The following GLMN variants were observed in gnomAD, a reference collection of about 807,000 sequenced individuals.
GLMN encodes the protein glomulin, FKBP associated protein.
Under a neutral mutation model 87.8 loss-of-function variants are expected in GLMN, and 75 were observed. The observed-to-expected ratio is 0.85, with a 90% CI of 0.71 to 1.04. The LOEUF is 1.04. Ranked by LOEUF, GLMN falls within the 50% of genes least tolerant of loss-of-function variation. GLMN has a pLI of 0.00. For synonymous variants in GLMN, 206 were observed against 221.6 expected (o/e 0.93, Z 0.63); for missense variants, 588 against 658.8 (o/e 0.89, Z 1.18).
At chr1:92,257,854 C>T (rs1654467541) in intron 16 of GLMN, among the ~76,000 whole-genome samples, 1 of 152,058 alleles carries the variant, frequency 6.6e-6, no homozygotes, top group African/African-American at 2.4e-5. Flanking sequence ...TAGACATGGG[C>T]AAAGACTTCA....
chr1:92,268,036 G>A (rs1655846935), intron 10 of GLMN, 34 bp from the exon 11 acceptor site: 2 of 1,377,816 alleles, frequency 1.5e-6, no homozygotes, highest in African/African-American at 1.4e-5. Context: ...TACATATATA[G>A]TGAAGTCAAC....
chr1:92,345,878 C>A, the GLMN span: 1 of 1,604,002 alleles, frequency 6.2e-7, no homozygotes, highest in Non-Finnish European at 8.5e-7. Flanking sequence ...CACAAACCTG[C>A]GGAATGGACT....
chr1:92,304,069 G>C, the GLMN span: 1 of 1,602,318 alleles, frequency 6.2e-7, no homozygotes, highest in Non-Finnish European at 8.5e-7. Context: ...AGAAGAAGCT[G>C]GGAATTGTAA....
chr1:92,309,468 C>T, the GLMN span, among the ~76,000 whole-genome samples: 2 of 151,662 alleles, frequency 1.3e-5, no homozygotes, highest in African/African-American at 4.8e-5. Context: ...CTTTGTTTCT[C>T]TAATCTAAAT....
the GLMN span, among the ~76,000 whole-genome samples, chr1:92,346,122 T>C: frequency 9.2e-5 from 14 of 152,154 alleles, no homozygotes; most frequent in African/African-American, 3.4e-4. Flanking sequence ...TCTTTTCTTC[T>C]GAATACCTTA....
chr1:92,246,988 A>C (rs764094882), intron 18 of GLMN, 74 bp downstream of exon 18: 52 of 823,774 alleles, frequency 6.3e-5, no homozygotes, highest in Middle Eastern at 4.4e-4. Context: ...ATGCCACTGC[A>C]CTCCAGCTTG....
chr1:92,316,633 T>C, the GLMN span, among the ~76,000 whole-genome samples: 2 of 152,236 alleles, frequency 1.3e-5, no homozygotes, highest in Non-Finnish European at 2.9e-5. Flanking sequence ...GATGGTTACA[T>C]ATTTTTGTTT....
At chr1:92,344,646 T>G in the GLMN span, among the ~76,000 whole-genome samples, 1 of 152,226 alleles carries the variant, frequency 6.6e-6, no homozygotes, top group African/African-American at 2.4e-5. Flanking sequence ...CTGGGCTGTT[T>G]ATATGCATTT....
Position 92,271,658 on chromosome 1 carries a change from A to G in GLMN, c.736-6T>C. 6.2e-7 allele frequency: 1 copy of G among 1,601,444 alleles called. No individual in the cohort carries two copies. Among genetic ancestry groups the G allele is most frequent in the Admixed American group, 1.7e-5 (1 of 59,974 alleles). ...CCAATTGCTGATAAAAAACCCTATG[A>G]AATGGATAAAAAAGGAAACCATAGC... On this transcript the variant is annotated splice_polypyrimidine_tract_variant and splice_region_variant and intron_variant, in intron 7 of 18. Transcript: ENST00000370360.
the GLMN span, among the ~76,000 whole-genome samples, chr1:92,354,757 T>G: frequency 6.6e-6 from 1 of 152,038 alleles, no homozygotes; most frequent in Non-Finnish European, 1.5e-5. Flanking sequence ...AATATTATAT[T>G]CTTCTTGTCT....
chr1:92,295,783 T>C (rs1200566310), intron 3 of GLMN, among the ~76,000 whole-genome samples: 1 of 152,210 alleles, frequency 6.6e-6, no homozygotes, highest in African/African-American at 2.4e-5. Flanking sequence ...AATGAACACC[T>C]ACCTTCTGAG....
At chr1:92,320,471 C>T in the GLMN span, 1 of 613,708 alleles carries the variant, frequency 1.6e-6, no homozygotes, top group Non-Finnish European at 3.0e-6. Flanking sequence ...TGGGGTTTCA[C>T]CATGTTGGCC....
At chr1:92,369,856 A>G in the GLMN span, among the ~76,000 whole-genome samples, 1 of 152,208 alleles carries the variant, frequency 6.6e-6, no homozygotes, top group African/African-American at 2.4e-5. Flanking sequence ...TCAAAGAAAG[A>G]TAACCTGAAA....
At chr1:92,284,449 A>T (rs1034900050) in intron 7 of GLMN, among the ~76,000 whole-genome samples, 7 of 152,218 alleles carry the variant, frequency 4.6e-5, no homozygotes, top group African/African-American at 1.7e-4. Flanking sequence ...TCCCTTCCTT[A>T]CACCTTATGC....
the GLMN span, among the ~76,000 whole-genome samples, chr1:92,365,499 G>A: frequency 1.3e-5 from 2 of 152,182 alleles, no homozygotes; most frequent in African/African-American, 2.4e-5. Context: ...ATTTGTGCAG[G>A]CAGAATTGAG....
intron 16 of GLMN, among the ~76,000 whole-genome samples, chr1:92,257,082 A>G (rs186228603): frequency 1.3e-5 from 2 of 152,346 alleles, no homozygotes; most frequent in Admixed American, 1.3e-4. Context: ...TCAATGTGCA[A>G]AAATCACAAG....
At chr1:92,354,700 T>C in the GLMN span, among the ~76,000 whole-genome samples, 23 of 152,090 alleles carry the variant, frequency 1.5e-4, no homozygotes, top group African/African-American at 5.3e-4. Flanking sequence ...ATCTCTGTTT[T>C]CTAGATAGTA....
the GLMN span, among the ~76,000 whole-genome samples, chr1:92,346,442 G>A: frequency 6.6e-6 from 1 of 152,102 alleles, no homozygotes; most frequent in Non-Finnish European, 1.5e-5. Flanking sequence ...AGGATTATAG[G>A]CATGAGCCAC....
At chr1:92,307,215 G>A in the GLMN span, 5 of 1,611,348 alleles carry the variant, frequency 3.1e-6, no homozygotes, top group Non-Finnish European at 4.2e-6. Flanking sequence ...TTGTTATCAA[G>A]CATCTAAGTT....
Sources: gnomAD v4.1 joint callset for allele counts (sites outside exome capture counted in the v4.1 genomes callset) on GRCh38, gnomAD v4.1.1 for gene constraint, MANE v1.5 for transcripts, NCBI Gene and HGNC (gene_info 2026-07-23, HGNC 2026-07-21) for gene names.